ZNF423: variants seen among roughly 807,000 people sequenced by gnomAD.
ZNF423 encodes the protein Ebf-associated zinc finger protein.
ZNF423 carries 12 observed loss-of-function variants against 95.8 expected under a neutral mutation model. The observed-to-expected ratio is 0.13, with a 90% CI of 0.08 to 0.20. The LOEUF is 0.20. Ranked by LOEUF, ZNF423 falls within the 10% of genes least tolerant of loss-of-function variation. The pLI is 1.00. For missense variants in ZNF423, 1,316 were observed against 1,737.1 expected (o/e 0.76, Z 4.31); for synonymous variants, 749 against 711.9 (o/e 1.05, Z -0.83).
chr16:49,611,730 A>G (rs1259921528), intron 5 of ZNF423, among the ~76,000 whole-genome samples: 2 of 152,034 alleles, frequency 1.3e-5, no homozygotes, highest in Non-Finnish European at 2.9e-5. Context: ...GATAAAATTG[A>G]CAATTCTTTT....
chr16:49,494,132 G>A (rs770507595), intron 7 of ZNF423, among the ~76,000 whole-genome samples: 10 of 152,144 alleles, frequency 6.6e-5, no homozygotes, highest in Admixed American at 4.6e-4. Flanking sequence ...CATGATGAAG[G>A]CTGGAACCCA....
chr16:49,767,597 T>C (rs2033952935), intron 2 of ZNF423, among the ~76,000 whole-genome samples: 1 of 152,058 alleles, frequency 6.6e-6, no homozygotes, highest in Non-Finnish European at 1.5e-5. Context: ...AGGAAACTAG[T>C]GGAATGATCA....
At chr16:49,493,552 T>C (rs1967052788) in intron 7 of ZNF423, among the ~76,000 whole-genome samples, 1 of 152,058 alleles carries the variant, frequency 6.6e-6, no homozygotes, top group Non-Finnish European at 1.5e-5. Flanking sequence ...ACCCCTGCTA[T>C]CTTGGTGTGG....
intron 5 of ZNF423, among the ~76,000 whole-genome samples, chr16:49,537,271 A>C (rs1382055751): frequency 1.3e-5 from 2 of 152,166 alleles, no homozygotes; most frequent in African/African-American, 4.8e-5. Context: ...GCTCCTAACC[A>C]GTCAAGAAGC....
chr16:49,605,372 C>T (rs1971505145), intron 5 of ZNF423, among the ~76,000 whole-genome samples: 2 of 152,204 alleles, frequency 1.3e-5, no homozygotes, highest in Non-Finnish European at 1.5e-5. Flanking sequence ...TGTGCAACCT[C>T]GGGAAAGTGT....
In ZNF423 at chr16:49,637,766, C is replaced by G; in HGVS notation, c.1410G>C (p.Lys470Asn). The G allele has an allele frequency of 6.2e-7, 1 of 1,614,126 alleles. No individual in the cohort carries two copies. The highest frequency in any genetic ancestry group is 2.2e-5 in the East Asian group (1 of 44,886). The change falls in exon 4 of 8, where the codon AAG becomes AAC. Residue 470 changes from lysine to asparagine, a missense_variant. Coordinates refer to ENST00000563137, the MANE Select transcript of ZNF423 (RefSeq NM_001379286.1). This position sits in a 1 kb window ranked among gnomAD's most constrained non-coding sequence, Gnocchi z 5.6. ...CAGGGTAGGCATGGTTCTTGTGCAGCTTGCGAACGTGCTCGTTGAGGTTGT... is the reference window on the plus strand; with the variant it reads ...CAGGGTAGGCATGGTTCTTGTGCAGGTTGCGAACGTGCTCGTTGAGGTTGT... ...TLYNLNEHVRKLHKNHAYPVM... is the reference protein window; with the variant it reads ...TLYNLNEHVRNLHKNHAYPVM...
chr16:49,758,768 A>G (rs1243593469), intron 2 of ZNF423, among the ~76,000 whole-genome samples: 2 of 152,152 alleles, frequency 1.3e-5, no homozygotes, highest in Non-Finnish European at 2.9e-5. Context: ...ACTACAAAAA[A>G]AAATTACTCC....
chr16:49,624,534 CAG>C (rs1972195216), intron 5 of ZNF423, among the ~76,000 whole-genome samples: 2 of 152,248 alleles, frequency 1.3e-5, no homozygotes, highest in South Asian at 4.1e-4. Flanking sequence ...GCCTGGGTGA[CAG>C]AGTGAGACTC....
chr16:49,566,211 C>T (rs1037825460), intron 5 of ZNF423, among the ~76,000 whole-genome samples: 9 of 152,188 alleles, frequency 5.9e-5, no homozygotes, highest in African/African-American at 2.2e-4. Flanking sequence ...CTCATAGCCA[C>T]CTCTGCTGCC....
At chr16:49,713,566 C>G (rs2032610996) in intron 3 of ZNF423, among the ~76,000 whole-genome samples, 1 of 152,198 alleles carries the variant, frequency 6.6e-6, no homozygotes, top group Non-Finnish European at 1.5e-5. Flanking sequence ...CTGGCAGGTT[C>G]TCAGGATGAT....
intron 1 of ZNF423, among the ~76,000 whole-genome samples, chr16:49,809,285 A>G (rs140046994): frequency 1.5e-4 from 23 of 152,344 alleles, no homozygotes; most frequent in African/African-American, 5.3e-4. Flanking sequence ...GAAAAAGCAC[A>G]TCTGGTCCAC....
chr16:49,594,113 TG>T (rs1051727287), intron 5 of ZNF423, among the ~76,000 whole-genome samples: 3 of 152,216 alleles, frequency 2.0e-5, no homozygotes, highest in Admixed American at 2.0e-4. Context: ...GCCTTTCAGC[TG>T]GGGGGTAAAC....
chr16:49,577,909 ACT>A (rs1488462607), intron 5 of ZNF423, among the ~76,000 whole-genome samples: 1 of 152,204 alleles, frequency 6.6e-6, no homozygotes, highest in African/African-American at 2.4e-5. Context: ...TGCCTCTGAA[ACT>A]CTGCACTCAC....
intron 3 of ZNF423, among the ~76,000 whole-genome samples, chr16:49,692,549 G>A (rs1057111973): frequency 1.3e-5 from 2 of 152,202 alleles, no homozygotes; most frequent in Non-Finnish European, 2.9e-5. Flanking sequence ...CTTTCACCAC[G>A]CAGGGTGGAG....
intron 1 of ZNF423, among the ~76,000 whole-genome samples, chr16:49,804,891 CTTT>C (rs754687457): frequency 1.5e-4 from 14 of 95,924 alleles, no homozygotes; most frequent in Admixed American, 7.3e-4. Flanking sequence ...GATCCCACAG[CTTT>C]TTTTTTTTTT....
intron 2 of ZNF423, among the ~76,000 whole-genome samples, chr16:49,752,222 C>A (rs2033645618): frequency 6.6e-6 from 1 of 152,254 alleles, no homozygotes; most frequent in South Asian, 2.1e-4. Flanking sequence ...TGGCCTGATG[C>A]CTCGCCTGGC....
At chr16:49,759,879 C>G (rs1316828029) in intron 2 of ZNF423, among the ~76,000 whole-genome samples, 4 of 152,084 alleles carry the variant, frequency 2.6e-5, no homozygotes, top group African/African-American at 9.7e-5. Flanking sequence ...GGCCCTGGTT[C>G]TCTTTAGAGA....
chr16:49,597,357 C>T (rs1229538459), intron 5 of ZNF423, among the ~76,000 whole-genome samples: 2 of 152,064 alleles, frequency 1.3e-5, no homozygotes, highest in African/African-American at 2.4e-5. Context: ...TACCCTGAGA[C>T]GTGCTGTCAG....
intron 5 of ZNF423, among the ~76,000 whole-genome samples, chr16:49,620,988 T>A (rs1017717481): frequency 2.0e-5 from 3 of 152,156 alleles, no homozygotes; most frequent in Non-Finnish European, 2.9e-5. Context: ...ACCAGCTTCC[T>A]CTGGGCCAAG....
Sources: allele counts gnomAD v4.1 joint callset (sites outside exome capture counted in the v4.1 genomes callset), GRCh38; gene constraint gnomAD v4.1.1; non-coding constraint Gnocchi (gnomAD v3.1); transcripts MANE v1.5; gene names NCBI Gene and HGNC (gene_info 2026-07-23, HGNC 2026-07-21).